LGR4: variants seen among roughly 807,000 people sequenced by gnomAD.
LGR4 encodes leucine-rich repeat-containing G protein-coupled receptor 4.
Under a neutral mutation model 84.8 loss-of-function variants are expected in LGR4, and 44 were observed. That is an observed-to-expected ratio of 0.52 (90% CI 0.41 to 0.67). LGR4 has a LOEUF of 0.67. Among genes scored for constraint, LGR4 ranks in the 30% least tolerant of loss-of-function variants. LGR4 has a pLI of 0.00. For missense variants in LGR4, 1,032 were observed against 1,131.4 expected (o/e 0.91, Z 1.26); for synonymous variants, 429 against 434.3 (o/e 0.99, Z 0.15).
chr11:27,425,096 C>A (rs1863997942), intron 1 of LGR4, among the ~76,000 whole-genome samples: 1 of 152,142 alleles, frequency 6.6e-6, no homozygotes, highest in African/African-American at 2.4e-5. Flanking sequence ...CTCTGCTTAA[C>A]TTTATCAGTC....
chr11:27,455,499 G>C (rs916684321), intron 1 of LGR4, among the ~76,000 whole-genome samples: 1 of 152,158 alleles, frequency 6.6e-6, no homozygotes, highest in Non-Finnish European at 1.5e-5. Context: ...GGGAGAAACT[G>C]ACTTTTTGCT....
chr11:27,428,038 C>T (rs751983768), intron 1 of LGR4, among the ~76,000 whole-genome samples: 1 of 152,148 alleles, frequency 6.6e-6, no homozygotes, highest in Non-Finnish European at 1.5e-5. Context: ...TATTTTCTTG[C>T]CCTGTTTGGC....
chr11:27,424,710 G>A (rs898084070), intron 1 of LGR4, among the ~76,000 whole-genome samples: 1 of 152,114 alleles, frequency 6.6e-6, no homozygotes, highest in Non-Finnish European at 1.5e-5. Context: ...CTAGCAACCC[G>A]ACCTGATCAT....
At chr11:27,452,182 CT>C (rs1864492742) in intron 1 of LGR4, among the ~76,000 whole-genome samples, 1 of 152,168 alleles carries the variant, frequency 6.6e-6, no homozygotes, top group Non-Finnish European at 1.5e-5. Flanking sequence ...GTTTCCTCAT[CT>C]TCTTTAAGGG....
At chr11:27,437,325 A>G (rs1296887131) in intron 1 of LGR4, among the ~76,000 whole-genome samples, 1 of 152,146 alleles carries the variant, frequency 6.6e-6, no homozygotes, top group East Asian at 1.9e-4. Context: ...TGCTGTTTTG[A>G]AAAGAAATTA....
intron 1 of LGR4, among the ~76,000 whole-genome samples, chr11:27,445,466 C>G (rs1287137463): frequency 2.6e-5 from 4 of 152,120 alleles, no homozygotes; most frequent in African/African-American, 9.7e-5. Context: ...CAAGTAAACT[C>G]ACACATATAA....
chr11:27,396,741 C>T (rs1232754990), intron 2 of LGR4, among the ~76,000 whole-genome samples: 3 of 152,054 alleles, frequency 2.0e-5, no homozygotes, highest in African/African-American at 7.2e-5. Flanking sequence ...TTGACTAAAT[C>T]TTGTTATTTA....
chr11:27,446,645 G>C (rs889155549), intron 1 of LGR4, among the ~76,000 whole-genome samples: 3 of 152,176 alleles, frequency 2.0e-5, no homozygotes, highest in African/African-American at 7.2e-5. Flanking sequence ...CAAGGATCTA[G>C]AACTAGAAAT....
chr11:27,423,411 G>A (rs1246370980), intron 1 of LGR4, among the ~76,000 whole-genome samples: 2 of 152,198 alleles, frequency 1.3e-5, no homozygotes, highest in South Asian at 4.1e-4. Flanking sequence ...CTCAGGCGAT[G>A]AGGCGTGCAG....
In LGR4 at chr11:27,382,053, T is replaced by C. The variant is rs80148187; in HGVS notation, c.758+135A>G. 6.2e-3 allele frequency: 3,930 copies of C among 632,716 alleles called. 127 individuals carry two copies. The African/African-American group carries it at 0.066, about 11-fold the overall frequency. The allele number at this position is 632,716 out of a possible 1,614,324, so 39.2% of individuals were successfully genotyped here. A position where few individuals can be genotyped will look rare whatever the true frequency, so the allele number is the denominator to read the frequency against. On this transcript the variant is annotated intron_variant, in intron 7 of 17. Transcript: ENST00000379214. ...TGTCATCGAACACAATCCAACTTTA[T>C]GATTATTTGTGTGTTTGTGTGCATG...
chr11:27,389,367 A>G (rs1324124640), intron 4 of LGR4, among the ~76,000 whole-genome samples: 1 of 152,150 alleles, frequency 6.6e-6, no homozygotes, highest in Non-Finnish European at 1.5e-5. Context: ...TTTTGGAGAT[A>G]ATTTAAACTA....
chr11:27,449,156 G>A (rs1384011295), intron 1 of LGR4, among the ~76,000 whole-genome samples: 3 of 152,134 alleles, frequency 2.0e-5, no homozygotes, highest in Non-Finnish European at 2.9e-5. Flanking sequence ...GTATTTATCA[G>A]CTGCTGTAAA....
chr11:27,384,254 AT>A (rs1301611212), intron 6 of LGR4, 81 bp downstream of exon 6: 12 of 872,416 alleles, frequency 1.4e-5, no homozygotes, highest in Non-Finnish European at 2.2e-5. Flanking sequence ...TAAGGCCAAT[AT>A]TTTTTTCTTT....
intron 1 of LGR4, among the ~76,000 whole-genome samples, chr11:27,433,154 G>A (rs1418810318): frequency 2.0e-5 from 3 of 152,176 alleles, no homozygotes; most frequent in Non-Finnish European, 4.4e-5. Context: ...TGACACATCA[G>A]AAAAGGAATG....
intron 3 of LGR4, among the ~76,000 whole-genome samples, chr11:27,391,651 AC>A (rs2133378331): frequency 6.6e-6 from 1 of 150,718 alleles, no homozygotes; most frequent in East Asian, 2.0e-4. Flanking sequence ...CTCTTAAGGA[AC>A]AGCAGGCATG....
rs763961767 is a variant in LGR4 at position 27,374,055 on chromosome 11, A to G, written c.1182-9T>C. On this transcript the variant is annotated splice_polypyrimidine_tract_variant and intron_variant, in intron 13 of 17. Coordinates refer to ENST00000379214, the MANE Select transcript of LGR4 (RefSeq NM_018490.5). ...GGTTTCTACTCAGATCTCTGCAATT[A>G]TAAGAGTAACATGTTAATCTTTCAA... 30 of 1,582,288 alleles carry G rather than the reference A, an allele frequency of 1.9e-5. No individual in the cohort carries two copies. The highest frequency in any genetic ancestry group is 1.7e-4 in the South Asian group (15 of 90,362).
At chr11:27,397,673 G>A (rs73446078) in intron 2 of LGR4, among the ~76,000 whole-genome samples, 1,666 of 152,232 alleles carry the variant, frequency 0.011, 20 homozygotes, top group African/African-American at 0.037. Flanking sequence ...TTTATTTCTC[G>A]ACATATGCTG....
intron 2 of LGR4, among the ~76,000 whole-genome samples, chr11:27,400,980 C>CT: frequency 6.6e-6 from 1 of 152,320 alleles, no homozygotes; most frequent in South Asian, 2.1e-4. Flanking sequence ...TAATGATGTA[C>CT]TACCCCATTT....
intron 1 of LGR4, among the ~76,000 whole-genome samples, chr11:27,464,881 T>C (rs1344496223): frequency 6.6e-6 from 1 of 152,170 alleles, no homozygotes; most frequent in African/African-American, 2.4e-5. Flanking sequence ...AATTTTGTTT[T>C]TAAAACTTTG....
Sources: gnomAD v4.1 joint callset for allele counts (sites outside exome capture counted in the v4.1 genomes callset) on GRCh38, gnomAD v4.1.1 for gene constraint, MANE v1.5 for transcripts, NCBI Gene and HGNC (gene_info 2026-07-23, HGNC 2026-07-21) for gene names.